TTC12: variants seen among roughly 807,000 people sequenced by gnomAD.
TTC12 encodes tetratricopeptide repeat domain 12, also known as tetratricopeptide repeat protein 12.
A neutral mutation model predicts 90.1 loss-of-function variants in TTC12; 70 were observed. That is an observed-to-expected ratio of 0.78 (90% CI 0.64 to 0.95). TTC12 has a LOEUF of 0.95. Among genes scored for constraint, TTC12 ranks in the 40% least tolerant of loss-of-function variants. TTC12 has a pLI of 0.00. For missense variants in TTC12, 819 were observed against 846.1 expected, an observed-to-expected ratio of 0.97 and a Z score of 0.40; for synonymous variants, 296 against 311.5, an observed-to-expected ratio of 0.95 and a Z score of 0.53.
intron 5 of TTC12, 23 bp from the exon 6 acceptor site, chr11:113,325,501 C>A: frequency 6.2e-7 from 1 of 1,611,554 alleles, no homozygotes; most frequent in Non-Finnish European, 8.5e-7. Flanking sequence ...GAGAGCTCAC[C>A]TGTGTAACTT....
intron 8 of TTC12, among the ~76,000 whole-genome samples, chr11:113,336,070 C>A (rs1474830882): frequency 6.6e-6 from 1 of 152,144 alleles, no homozygotes; most frequent in Non-Finnish European, 1.5e-5. Flanking sequence ...TTTTCCACAT[C>A]CTCTTCAATA....
chr11:113,351,202 A>G (rs782240261), intron 14 of TTC12, 37 bp from the exon 15 acceptor site: 5 of 1,589,490 alleles, frequency 3.1e-6, no homozygotes, highest in African/African-American at 1.3e-5. Flanking sequence ...AGTTTATGCA[A>G]TGTAAAAATA....
At chr11:113,364,689 T>C (rs1008475009) in intron 20 of TTC12, 146 bp from the exon 21 acceptor site, 2 of 654,204 alleles carry the variant, frequency 3.1e-6, no homozygotes, top group Admixed American at 4.7e-5. Flanking sequence ...GAATGTTTGC[T>C]GATGAGTAAG....
At chr11:113,321,231 T>C (rs1947313438) in intron 2 of TTC12, among the ~76,000 whole-genome samples, 1 of 152,140 alleles carries the variant, frequency 6.6e-6, no homozygotes, top group Non-Finnish European at 1.5e-5. Flanking sequence ...AATTAAAAAG[T>C]TTAACCCAGC....
chr11:113,326,751 A>G (rs1947717745), intron 6 of TTC12, among the ~76,000 whole-genome samples: 1 of 152,232 alleles, frequency 6.6e-6, no homozygotes. Flanking sequence ...GGTAAAAAAG[A>G]TGGCCAGAGG....
intron 3 of TTC12, 78 bp from the exon 4 acceptor site, chr11:113,323,916 T>C: frequency 1.7e-6 from 2 of 1,154,050 alleles, no homozygotes; most frequent in Non-Finnish European, 2.5e-6. Flanking sequence ...TTGATTTGCC[T>C]TCTTGGTTTA....
intron 21 of TTC12, among the ~76,000 whole-genome samples, chr11:113,365,904 A>G (rs746803417): frequency 9.2e-5 from 14 of 152,352 alleles, no homozygotes; most frequent in Middle Eastern, 3.4e-3. Context: ...TCTTTCTTCT[A>G]TAGAAAGAAA....
intron 16 of TTC12, among the ~76,000 whole-genome samples, chr11:113,354,041 A>G (rs1443482035): frequency 1.3e-5 from 2 of 152,192 alleles, no homozygotes; most frequent in Admixed American, 1.3e-4. Flanking sequence ...GAATCTATAT[A>G]TTACTTTAGG....
At chr11:113,359,865 T>C in intron 17 of TTC12, 75 bp from the exon 18 acceptor site, 3 of 1,218,668 alleles carry the variant, frequency 2.5e-6, no homozygotes, top group South Asian at 1.3e-5. Flanking sequence ...GAGACGGTGC[T>C]CAGAAGAAGC....
chr11:113,355,178 C>T (rs781806843), intron 16 of TTC12, among the ~76,000 whole-genome samples: 4 of 151,930 alleles, frequency 2.6e-5, no homozygotes, highest in Non-Finnish European at 4.4e-5. Flanking sequence ...TTTCCTGGTT[C>T]AGCCTTTGGA....
At position 113,346,752 on chromosome 11, in the gene TTC12, A is replaced by G. The variant is rs537377525; in HGVS notation, c.1154+2312A>G. Reference sequence around the variant, plus strand: ...AGCCAGCAAACAGCATCTGCTACAGAAAAAAAAAAAAAAAAAGCAACTAAC... The same window carrying G: ...AGCCAGCAAACAGCATCTGCTACAGGAAAAAAAAAAAAAAAAGCAACTAAC... On this transcript the variant is annotated intron_variant, in intron 13 of 21. Coordinates refer to ENST00000529221, the MANE Select transcript of TTC12 (RefSeq NM_017868.4). 5.3e-5 allele frequency among the ~76,000 whole-genome samples: 7 copies of G among 133,218 alleles called. No individual in the cohort carries two copies. The South Asian group carries it at 1.7e-3, about 31-fold the overall frequency. The allele number at this position is 133,218 out of a possible 152,430, so 87.4% of individuals were successfully genotyped here.
chr11:113,327,709 T>A (rs1008891422), intron 6 of TTC12, among the ~76,000 whole-genome samples: 1 of 152,182 alleles, frequency 6.6e-6, no homozygotes, highest in Admixed American at 6.5e-5. Flanking sequence ...AGAGTCTGCA[T>A]GTATCCTAAA....
At chr11:113,361,668 C>T (rs1260954094) in intron 18 of TTC12, among the ~76,000 whole-genome samples, 4 of 152,118 alleles carry the variant, frequency 2.6e-5, no homozygotes. Flanking sequence ...ACGGGGGTGC[C>T]ACCTCTATAT....
intron 15 of TTC12, 148 bp from the exon 16 acceptor site, chr11:113,351,922 G>T: frequency 1.1e-6 from 1 of 899,914 alleles, no homozygotes; most frequent in South Asian, 1.9e-5. Flanking sequence ...TCCATCCGTT[G>T]CCAGTGAGAC....
At chr11:113,321,822 G>A (rs1296754231) in intron 2 of TTC12, among the ~76,000 whole-genome samples, 1 of 152,216 alleles carries the variant, frequency 6.6e-6, no homozygotes, top group Non-Finnish European at 1.5e-5. Context: ...CATTTCTCAA[G>A]CCAACAGCCA....
intron 6 of TTC12, among the ~76,000 whole-genome samples, chr11:113,327,517 G>T (rs553788239): frequency 3.5e-4 from 53 of 152,212 alleles, no homozygotes; most frequent in Non-Finnish European, 5.9e-4. Flanking sequence ...TAGATTGCCG[G>T]TATAATTTAG....
chr11:113,358,477 T>C (rs1266353220), intron 16 of TTC12, among the ~76,000 whole-genome samples: 2 of 152,044 alleles, frequency 1.3e-5, no homozygotes, highest in African/African-American at 4.8e-5. Context: ...AGCAAGCAGG[T>C]GTGGCCTGGC....
At chr11:113,317,721 A>G (rs782686188) in intron 2 of TTC12, among the ~76,000 whole-genome samples, 1 of 152,042 alleles carries the variant, frequency 6.6e-6, no homozygotes, top group East Asian at 1.9e-4. Context: ...GAGCAGCAAT[A>G]AACTGCTGAT....
intron 13 of TTC12, among the ~76,000 whole-genome samples, chr11:113,347,730 G>A (rs1949051437): frequency 6.6e-6 from 1 of 152,092 alleles, no homozygotes; most frequent in Non-Finnish European, 1.5e-5. Context: ...TTGATGATTT[G>A]GCCTCCAGAC....
Sources: allele counts gnomAD v4.1 joint callset (sites outside exome capture counted in the v4.1 genomes callset), GRCh38; gene constraint gnomAD v4.1.1; transcripts MANE v1.5; gene names NCBI Gene and HGNC (gene_info 2026-07-23, HGNC 2026-07-21).